The following SMYD3 variants were observed in gnomAD, a reference collection of about 807,000 sequenced individuals.
SMYD3 encodes the protein SET and MYND domain containing 3, also known as histone-lysine N-methyltransferase SMYD3.
In SMYD3, 36 loss-of-function variants were observed where a neutral mutation model predicts 57.7. The observed-to-expected ratio is 0.62, with a 90% CI of 0.48 to 0.82. SMYD3 has a LOEUF of 0.82. SMYD3 is among the 40% of genes least tolerant of loss of function. The pLI is 0.00. For synonymous variants in SMYD3, 211 were observed against 195.0 expected, an observed-to-expected ratio of 1.08 and a Z score of -0.68; for missense variants, 515 against 538.8, an observed-to-expected ratio of 0.96 and a Z score of 0.44.
At chr1:246,453,375 A>G (rs936575474) in intron 1 of SMYD3, among the ~76,000 whole-genome samples, 1 of 152,248 alleles carries the variant, frequency 6.6e-6, no homozygotes, top group South Asian at 2.1e-4. Context: ...AAACATTGTT[A>G]TAAGTGAGAA....
intron 5 of SMYD3, among the ~76,000 whole-genome samples, chr1:246,149,968 A>C (rs1379904104): frequency 6.6e-6 from 1 of 152,202 alleles, no homozygotes; most frequent in Non-Finnish European, 1.5e-5. Context: ...ACAACCATTA[A>C]CTTCTATATG....
rs376632604 is a variant in SMYD3 at position 246,479,167 on chromosome 1, T to C, written c.164+27887A>G. The stretch of plus-strand genomic sequence containing the variant: ...CTCATATATGTAAACCTGTCCTCTG[T>C]CCCGGAGCTAGTGCATTAAGTGCTC... On this transcript the variant is annotated intron_variant, in intron 1 of 11. Coordinates refer to ENST00000490107, the MANE Select transcript of SMYD3 (RefSeq NM_001167740.2). Among the ~76,000 whole-genome samples, 18 of 150,976 alleles carry C rather than the reference T, an allele frequency of 1.2e-4. No homozygotes were observed. The East Asian group carries it at 3.5e-3, about 30-fold the overall frequency.
chr1:246,486,667 A>T (rs536576698), intron 1 of SMYD3, among the ~76,000 whole-genome samples: 1 of 152,294 alleles, frequency 6.6e-6, no homozygotes, highest in South Asian at 2.1e-4. Context: ...AATCTAGCAA[A>T]TGGAAGCAGC....
chr1:246,237,616 T>C (rs565362145), intron 5 of SMYD3, among the ~76,000 whole-genome samples: 81 of 152,344 alleles, frequency 5.3e-4, no homozygotes, highest in African/African-American at 1.9e-3. Flanking sequence ...ATCTTTATTA[T>C]TGTAACTTTT....
In SMYD3 at chr1:245,891,641, G is replaced by A. The variant is rs571243059; in HGVS notation, c.813+23889C>T. Among the ~76,000 whole-genome samples the A allele has an allele frequency of 9.8e-5, 15 of 152,326 alleles. No homozygotes were observed. The East Asian group carries it at 2.9e-3, about 29-fold the overall frequency. ...TGAAGAGGACAGCACGAGTAGTGAT[G>A]AAGGACAGTGATATGCCCCCTAAGT... On this transcript the variant is annotated intron_variant, in intron 8 of 11. Coordinates refer to ENST00000490107, the MANE Select transcript of SMYD3 (RefSeq NM_001167740.2).
chr1:246,059,598 T>G (rs2060216547), intron 5 of SMYD3, among the ~76,000 whole-genome samples: 1 of 152,206 alleles, frequency 6.6e-6, no homozygotes, highest in South Asian at 2.1e-4. Flanking sequence ...AGACGTTATC[T>G]TAGACTTGAG....
intron 5 of SMYD3, among the ~76,000 whole-genome samples, chr1:246,249,269 A>G (rs1448505311): frequency 6.6e-6 from 1 of 151,606 alleles, no homozygotes; most frequent in Non-Finnish European, 1.5e-5. Flanking sequence ...ACACCTGGCT[A>G]ATTTTTGTAT....
chr1:246,334,120 G>A (rs2148670837), intron 3 of SMYD3, among the ~76,000 whole-genome samples: 1 of 152,192 alleles, frequency 6.6e-6, no homozygotes, highest in African/African-American at 2.4e-5. Context: ...TCTACTGTTA[G>A]TGGGAATGTA....
intron 1 of SMYD3, among the ~76,000 whole-genome samples, chr1:246,440,049 T>C (rs890582177): frequency 1.3e-5 from 2 of 152,226 alleles, no homozygotes; most frequent in Non-Finnish European, 2.9e-5. Context: ...TAGCCTGTGG[T>C]AAAATCGGTT....
intron 7 of SMYD3, among the ~76,000 whole-genome samples, chr1:245,919,483 G>A (rs547258048): frequency 5.9e-5 from 9 of 152,244 alleles, no homozygotes; most frequent in Admixed American, 2.0e-4. Context: ...TTCCTATGGC[G>A]ACTGCCCCAT....
rs2048310940 is a variant in SMYD3 at position 245,808,705 on chromosome 1, T to C, written c.1077-44556A>G. ...TGCCTCAGCCTCTTCTTGGGGATGC[T>C]GTCCCATCCCAGGACAGTGCTTTTT... On this transcript the variant is annotated intron_variant, in intron 10 of 11. Coordinates refer to ENST00000490107, the MANE Select transcript of SMYD3 (RefSeq NM_001167740.2). Among the ~76,000 whole-genome samples the C allele has an allele frequency of 2.6e-5, 4 of 152,288 alleles. No individual in the cohort carries two copies. In the South Asian group the frequency reaches 8.3e-4, roughly 32 times the overall value.
At chr1:246,087,945 G>A (rs551938669) in intron 5 of SMYD3, among the ~76,000 whole-genome samples, 10 of 151,956 alleles carry the variant, frequency 6.6e-5, no homozygotes, top group African/African-American at 1.9e-4. Flanking sequence ...TTATCTAGTT[G>A]CACAATGACT....
chr1:246,104,490 T>C (rs887606123), intron 5 of SMYD3, among the ~76,000 whole-genome samples: 1 of 152,174 alleles, frequency 6.6e-6, no homozygotes, highest in Admixed American at 6.5e-5. Context: ...TCCATCAAAA[T>C]GCAGGCTGAG....
chr1:246,140,610 T>C (rs1385209398), intron 5 of SMYD3, among the ~76,000 whole-genome samples: 1 of 152,056 alleles, frequency 6.6e-6, no homozygotes, highest in African/African-American at 2.4e-5. Flanking sequence ...AAATGCTATT[T>C]ATTTATTTAT....
At chr1:245,785,735 C>T (rs2047013249) in intron 10 of SMYD3, among the ~76,000 whole-genome samples, 1 of 152,144 alleles carries the variant, frequency 6.6e-6, no homozygotes, top group Non-Finnish European at 1.5e-5. Flanking sequence ...AGGTCTTGCT[C>T]TGCCACCGGC....
intron 2 of SMYD3, among the ~76,000 whole-genome samples, chr1:246,343,979 G>C (rs1477926293): frequency 6.6e-6 from 1 of 152,150 alleles, no homozygotes; most frequent in African/African-American, 2.4e-5. Context: ...TGGTGCAAAA[G>C]TAATTACTTT....
At chr1:246,495,212 G>A (rs547366662) in intron 1 of SMYD3, among the ~76,000 whole-genome samples, 7 of 152,134 alleles carry the variant, frequency 4.6e-5, no homozygotes, top group Non-Finnish European at 8.8e-5. Flanking sequence ...AGCCAGGCGT[G>A]GTGGCGGGCG....
chr1:246,470,170 C>G (rs563918269), intron 1 of SMYD3, among the ~76,000 whole-genome samples: 1 of 152,144 alleles, frequency 6.6e-6, no homozygotes, highest in East Asian at 1.9e-4. Flanking sequence ...TTAATGGAGA[C>G]TAAAGAGACA....
At chr1:245,752,272 G>A (rs183537542) in intron 11 of SMYD3, among the ~76,000 whole-genome samples, 11 of 152,280 alleles carry the variant, frequency 7.2e-5, no homozygotes, top group Admixed American at 3.9e-4. Context: ...GTAACCCTCC[G>A]TCCTGAAAAA....
Sources: allele counts gnomAD v4.1 joint callset (sites outside exome capture counted in the v4.1 genomes callset), GRCh38; gene constraint gnomAD v4.1.1; transcripts MANE v1.5; gene names NCBI Gene and HGNC (gene_info 2026-07-23, HGNC 2026-07-21).